The following WDFY1 variants were observed in gnomAD, a reference collection of about 807,000 sequenced individuals.
The protein encoded by WDFY1 is WD repeat and FYVE domain-containing protein 1.
Under a neutral mutation model 56.4 loss-of-function variants are expected in WDFY1, and 32 were observed. That is an observed-to-expected ratio of 0.57 (90% CI 0.43 to 0.76). The LOEUF is 0.76. Among genes scored for constraint, WDFY1 ranks in the 30% least tolerant of loss-of-function variants. The pLI, the probability that WDFY1 is intolerant of heterozygous loss-of-function variation, is 0.00. For synonymous variants in WDFY1, 192 were observed against 197.3 expected (o/e 0.97, Z 0.23); for missense variants, 480 against 545.7 (o/e 0.88, Z 1.20).
chr2:223,895,533 T>G lies in WDFY1; in HGVS notation c.696A>C (p.Lys232Asn). 1 of 1,613,982 alleles carries G rather than the reference T, an allele frequency of 6.2e-7. No homozygotes were observed. ...SIIMWDIGGR[K>N]GRTLLLQGHH... ...GGCCCTGAAGTAACAGCGTCCGGCC[T>G]TTCCTTCCTCCGATGTCCCACATGA... is the stretch of plus-strand genomic sequence containing the variant. Residue 232 changes from lysine (K) to asparagine (N), a missense_variant, in exon 7 of 12, where the codon AAA becomes AAC. Lys to Asn is a moderately conservative substitution (Grantham distance 94, BLOSUM62 0). Coordinates refer to ENST00000233055, the MANE Select transcript of WDFY1 (RefSeq NM_020830.5).
intron 1 of WDFY1, among the ~76,000 whole-genome samples, chr2:223,931,147 T>C (rs576422674): frequency 3.9e-5 from 6 of 152,340 alleles, no homozygotes; most frequent in African/African-American, 1.4e-4. Flanking sequence ...GCCAAGGATT[T>C]TAAAGTAGAT....
chr2:223,920,106 GCACAAATTCAA>G (rs1308860649), intron 1 of WDFY1, among the ~76,000 whole-genome samples: 2 of 152,340 alleles, frequency 1.3e-5, no homozygotes, highest in East Asian at 1.9e-4. Context: ...GTGGCTATAA[GCACAAATTCAA>G]CACAAAATCA....
chr2:223,901,015 ATTTTTGCAATT>A (rs1305895256), intron 5 of WDFY1, 157 bp downstream of exon 5: 1 of 826,798 alleles, frequency 1.2e-6, no homozygotes, highest in Non-Finnish European at 1.7e-6. Flanking sequence ...AGTAATTGCA[ATTTTTGCAATT>A]ACTTTCCATG....
intron 1 of WDFY1, among the ~76,000 whole-genome samples, chr2:223,927,782 G>T (rs560345281): frequency 9.3e-4 from 142 of 152,296 alleles, no homozygotes; most frequent in African/African-American, 3.2e-3. Flanking sequence ...TCCTCACTAA[G>T]CTTAATCATT....
intron 3 of WDFY1, among the ~76,000 whole-genome samples, chr2:223,907,766 C>A (rs1693622733): frequency 6.6e-6 from 1 of 152,212 alleles, no homozygotes; most frequent in Admixed American, 6.5e-5. Flanking sequence ...CACCTGCCGC[C>A]TGCTGCTGTG....
intron 1 of WDFY1, among the ~76,000 whole-genome samples, chr2:223,929,089 C>T (rs1444033828): frequency 1.3e-5 from 2 of 151,944 alleles, no homozygotes; most frequent in African/African-American, 4.8e-5. Flanking sequence ...TCCCAAAAGG[C>T]ACCTAGCTCT....
chr2:223,944,021 A>C (rs923924539), intron 1 of WDFY1, among the ~76,000 whole-genome samples: 4 of 152,248 alleles, frequency 2.6e-5, no homozygotes, highest in African/African-American at 9.7e-5. Context: ...GAGTAATGTT[A>C]GTTTTCCTAA....
intron 1 of WDFY1, among the ~76,000 whole-genome samples, chr2:223,926,120 G>T (rs1409834684): frequency 1.3e-5 from 2 of 152,102 alleles, no homozygotes; most frequent in African/African-American, 4.8e-5. Flanking sequence ...ATCTATCAGA[G>T]GCACTATCTA....
intron 8 of WDFY1, among the ~76,000 whole-genome samples, chr2:223,888,624 T>G (rs1693211794): frequency 6.6e-6 from 1 of 151,264 alleles, no homozygotes; most frequent in Admixed American, 6.6e-5. Flanking sequence ...CCTTGCTTTG[T>G]TGCCCAGGCT....
chr2:223,876,352 T>C lies in WDFY1; in HGVS notation c.*2319A>G, dbSNP rs1233378247. On this transcript the variant is annotated 3_prime_UTR_variant, in exon 12 of 12. Transcript: ENST00000233055. The stretch of plus-strand genomic sequence containing the variant: ...AATAACCATCAGCCTATCTGTACTT[T>C]TCTTCTGTGCCTACTCAGTAAAATT... 2 of 152,632 alleles carry C rather than the reference T, an allele frequency of 1.3e-5. No individual in the cohort carries two copies. The highest frequency in any genetic ancestry group is 4.8e-5 in the African/African-American group (2 of 41,454). 9.5% of individuals were successfully genotyped at this position (152,632 alleles called of 1,614,324 possible). A position where few individuals can be genotyped will look rare whatever the true frequency, so the allele number is the denominator to read the frequency against.
chr2:223,927,640 T>A (rs1166860665), intron 1 of WDFY1, among the ~76,000 whole-genome samples: 1 of 152,226 alleles, frequency 6.6e-6, no homozygotes, highest in East Asian at 1.9e-4. Flanking sequence ...TAAGGCTGTT[T>A]TGCTTTCTTA....
chr2:223,897,383 TATATA>T (rs1559165986), intron 6 of WDFY1, among the ~76,000 whole-genome samples: 8 of 74,308 alleles, frequency 1.1e-4, no homozygotes, highest in East Asian at 2.7e-4. Flanking sequence ...TATATATATA[TATATA>T]TATTTTTTAA....
At chr2:223,896,151 GTC>G (rs1693367244) in intron 6 of WDFY1, among the ~76,000 whole-genome samples, 1 of 14,384 alleles carries the variant, frequency 7.0e-5, no homozygotes. Flanking sequence ...GTGAGACTCT[GTC>G]TCAAAAAAAA....
In WDFY1 at chr2:223,899,325, AT is replaced by A. The variant is rs1422821165; in HGVS notation, c.486-256del. 7.8e-6 allele frequency: 3 copies of A among 383,656 alleles called. No individual in the cohort carries two copies. The East Asian group carries it at 1.4e-4, about 18-fold the overall frequency. The allele number at this position is 383,656 out of a possible 1,614,324, so 23.8% of individuals were successfully genotyped here. On this transcript the variant is annotated intron_variant, in intron 5 of 11. Transcript: ENST00000233055. Reference sequence around the variant, plus strand: ...ATATTCATTCATTCAACAGGAACTCATTGAGTGCCTGTTACTATATCAAGCA... The same window carrying A: ...ATATTCATTCATTCAACAGGAACTCATGAGTGCCTGTTACTATATCAAGCA...
Position 223,945,317 on chromosome 2 carries a change from A to G in WDFY1, c.-33T>C, listed in dbSNP as rs771919085. The G allele has an allele frequency of 3.2e-6, 5 of 1,548,236 alleles. No individual in the cohort carries two copies. The highest frequency in any genetic ancestry group is 2.0e-4 in the Middle Eastern group (1 of 4,888). ...CGGCGACTGCTGCGGCCTCCTCGGCAGGCAGCCCATCAGCTGACGCCTGGG... is the reference window on the plus strand; with the variant it reads ...CGGCGACTGCTGCGGCCTCCTCGGCGGGCAGCCCATCAGCTGACGCCTGGG... On this transcript the variant is annotated 5_prime_UTR_variant, in exon 1 of 12. Transcript: ENST00000233055.
In WDFY1 at chr2:223,895,526, T is replaced by C. The variant is rs1010327999; in HGVS notation, c.703A>G (p.Thr235Ala). Residue 235 changes from threonine (T) to alanine (A), a missense_variant, in exon 7 of 12, where the codon ACG becomes GCG. Transcript: ENST00000233055. The part of the protein sequence containing the change: ...MWDIGGRKGR[T>A]LLLQGHHDKV... ...CACTGATGGCCCTGAAGTAACAGCG[T>C]CCGGCCTTTCCTTCCTCCGATGTCC... The C allele has an allele frequency of 3.1e-6, 5 of 1,613,892 alleles. No individual in the cohort carries two copies. Among genetic ancestry groups the C allele is most frequent in the Admixed American group, 3.3e-5 (2 of 59,976 alleles).
At chr2:223,910,244 A>G (rs919575862) in intron 3 of WDFY1, among the ~76,000 whole-genome samples, 14 of 152,210 alleles carry the variant, frequency 9.2e-5, no homozygotes, top group African/African-American at 3.4e-4. Flanking sequence ...TGATACCACT[A>G]TAGGAATTAA....
At chr2:223,921,827 T>A (rs1693890489) in intron 1 of WDFY1, among the ~76,000 whole-genome samples, 1 of 152,176 alleles carries the variant, frequency 6.6e-6, no homozygotes, top group Non-Finnish European at 1.5e-5. Flanking sequence ...AATTCCCATA[T>A]ATCACGTTTG....
intron 4 of WDFY1, among the ~76,000 whole-genome samples, chr2:223,902,520 G>C (rs912405395): frequency 5.9e-5 from 9 of 152,232 alleles, no homozygotes; most frequent in African/African-American, 2.2e-4. Flanking sequence ...AGCTATGATT[G>C]CACCACTGCA....
Sources: gnomAD v4.1 joint callset for allele counts (sites outside exome capture counted in the v4.1 genomes callset) on GRCh38, gnomAD v4.1.1 for gene constraint, MANE v1.5 for transcripts, NCBI Gene and HGNC (gene_info 2026-07-23, HGNC 2026-07-21) for gene names.